Variants in IPO9 observed in about 807,000 individuals in gnomAD.
IPO9 encodes importin 9, also known as importin-9.
A neutral mutation model predicts 128.6 loss-of-function variants in IPO9; 28 were observed. The ratio of observed to expected loss-of-function variants is 0.22; its 90% CI spans 0.16 to 0.30. The LOEUF (loss-of-function observed/expected upper bound fraction) is 0.30, where lower values mean the gene tolerates loss of function less well. IPO9 is among the 10% of genes least tolerant of loss of function. The pLI is 1.00. For missense variants in IPO9, 935 were observed against 1,293.9 expected, an observed-to-expected ratio of 0.72 and a Z score of 4.26; for synonymous variants, 455 against 475.8, an observed-to-expected ratio of 0.96 and a Z score of 0.57.
chr1:201,836,383 T>A (rs1679922943), intron 1 of IPO9, among the ~76,000 whole-genome samples: 1 of 152,100 alleles, frequency 6.6e-6, no homozygotes, highest in African/African-American at 2.4e-5. Context: ...ATTAGTTTGT[T>A]TCTTAGTTTG....
At chr1:201,830,617 ACTAAT>A (rs1285012436) in intron 1 of IPO9, among the ~76,000 whole-genome samples, 4 of 152,362 alleles carry the variant, frequency 2.6e-5, no homozygotes, top group East Asian at 1.9e-4. Flanking sequence ...CCATGTATAA[ACTAAT>A]CTAAAGGAAT....
In IPO9 at chr1:201,852,189, T is replaced by G. The variant is rs1257684397; in HGVS notation, c.600T>G (p.Ala200=). 1 of 1,602,618 alleles carries G rather than the reference T, an allele frequency of 6.2e-7. No homozygotes were observed. Among genetic ancestry groups the G allele is most frequent in the Admixed American group, 1.7e-5 (1 of 59,890 alleles). Residue 200 remains alanine, a synonymous_variant, in exon 5 of 24, where the codon GCT becomes GCG. Transcript: ENST00000361565. The part of the protein sequence containing the change: ...LPEMYKIFTM[A]EVYGIRTRSR... Reference sequence around the variant, plus strand: ...AGATGTATAAGATCTTCACCATGGCTGAGGTATGAAATCTCAGCTCCAAGA... The same window carrying G: ...AGATGTATAAGATCTTCACCATGGCGGAGGTATGAAATCTCAGCTCCAAGA...
chr1:201,868,645 C>A lies in IPO9; in HGVS notation c.1856-3C>A, dbSNP rs1168207878. 1 of 1,612,674 alleles carries A rather than the reference C, an allele frequency of 6.2e-7. No individual in the cohort carries two copies. Among genetic ancestry groups the A allele is most frequent in the Non-Finnish European group, 8.5e-7 (1 of 1,179,276 alleles). Reference sequence around the variant, plus strand: ...GGATTCCGTGTTGCCTTATCCACTTCAGATCCCGTCGTCGCCTCACTGGCT... The same window carrying A: ...GGATTCCGTGTTGCCTTATCCACTTAAGATCCCGTCGTCGCCTCACTGGCT... On this transcript the variant is annotated splice_region_variant and splice_polypyrimidine_tract_variant and intron_variant, in intron 15 of 23. Transcript: ENST00000361565.
intron 1 of IPO9, among the ~76,000 whole-genome samples, chr1:201,843,663 A>G (rs1413912554): frequency 1.3e-5 from 2 of 152,192 alleles, no homozygotes; most frequent in Non-Finnish European, 2.9e-5. Flanking sequence ...CCCAGTCTCT[A>G]CGAAAAATAC....
At chr1:201,862,671 TG>T (rs755698531) in intron 13 of IPO9, among the ~76,000 whole-genome samples, 48 of 151,834 alleles carry the variant, frequency 3.2e-4, no homozygotes, top group Non-Finnish European at 5.9e-4. Flanking sequence ...CTGGGCGTGG[TG>T]GTGCATGCCT....
chr1:201,829,675 T>TG (rs1679793655), intron 1 of IPO9: 1 of 266,176 alleles, frequency 3.8e-6, no homozygotes, highest in African/African-American at 2.2e-5. Context: ...TTGGTGCTGT[T>TG]GGAGGAAGTA....
intron 15 of IPO9, among the ~76,000 whole-genome samples, chr1:201,868,041 A>C (rs148644900): frequency 2.0e-5 from 3 of 152,320 alleles, no homozygotes; most frequent in African/African-American, 7.2e-5. Flanking sequence ...TTTAAGGTAT[A>C]CTTTAATGCA....
At chr1:201,869,198 T>C (rs1845756) in intron 16 of IPO9, among the ~76,000 whole-genome samples, 151,291 of 152,262 alleles carry the variant, frequency 0.99, 75,169 homozygotes, top group East Asian at 1. Flanking sequence ...TTGCAGTGAG[T>C]GGAGATCGTG....
chr1:201,832,112 G>C (rs1679847377), intron 1 of IPO9, among the ~76,000 whole-genome samples: 1 of 151,606 alleles, frequency 6.6e-6, no homozygotes, highest in Admixed American at 6.6e-5. Context: ...ATGTTGGCCA[G>C]GTTGTCTCGA....
chr1:201,866,880 A>T lies in IPO9; in HGVS notation c.1776A>T (p.Thr592=), dbSNP rs370074232. Residue 592 remains threonine, a synonymous_variant, in exon 15 of 24, where the codon ACA becomes ACT. Transcript: ENST00000361565. ...TGGAGACCCTGTGCATCGTTTGTAC[A>T]GTAGACCCCGAATTCACAGCAAGCA... ...LVMETLCIVC[T]VDPEFTASME... The T allele has an allele frequency of 6.2e-7, 1 of 1,614,080 alleles. No homozygotes were observed. Among genetic ancestry groups the T allele is most frequent in the Admixed American group, 1.7e-5 (1 of 59,986 alleles).
At chr1:201,861,588 G>C (rs572168490) in intron 13 of IPO9, among the ~76,000 whole-genome samples, 1 of 152,130 alleles carries the variant, frequency 6.6e-6, no homozygotes, top group South Asian at 2.1e-4. Context: ...TTCAACTTAC[G>C]ATGTGTTTAT....
At chr1:201,835,547 G>A (rs1571537159) in intron 1 of IPO9, among the ~76,000 whole-genome samples, 1 of 152,336 alleles carries the variant, frequency 6.6e-6, no homozygotes, top group South Asian at 2.1e-4. Flanking sequence ...AGAATGAACT[G>A]TCCTTATTTC....
At chr1:201,873,827 A>G (rs1185811559) in intron 20 of IPO9, among the ~76,000 whole-genome samples, 1 of 152,180 alleles carries the variant, frequency 6.6e-6, no homozygotes, top group Admixed American at 6.5e-5. Context: ...GGGCACAGAT[A>G]GTCAGCATGT....
rs1050181648 is a variant in IPO9 at position 201,882,142 on chromosome 1, T to C, written c.*6088T>C. The C allele has an allele frequency of 1.3e-5, 2 of 152,106 alleles. No homozygotes were observed. The highest frequency in any genetic ancestry group is 4.8e-5 in the African/African-American group (2 of 41,422). The allele number at this position is 152,106 out of a possible 1,614,324, so 9.4% of individuals were successfully genotyped here. ...AAAAGTAATCGCAATAAAATTCCAA[T>C]TTTTGTAGGCCGGGCATAGTGGCTC... On this transcript the variant is annotated 3_prime_UTR_variant, in exon 24 of 24. Transcript: ENST00000361565.
intron 14 of IPO9, among the ~76,000 whole-genome samples, chr1:201,865,165 C>CTT (rs2102885332): frequency 6.7e-6 from 1 of 149,858 alleles, no homozygotes; most frequent in East Asian, 2.0e-4. Context: ...TGCAGACTGG[C>CTT]TTATGTCCGT....
At chr1:201,873,546 G>A (rs926048081) in intron 20 of IPO9, among the ~76,000 whole-genome samples, 8 of 150,688 alleles carry the variant, frequency 5.3e-5, no homozygotes, top group East Asian at 3.9e-4. Context: ...CCGGGAGTTC[G>A]AGACCAGCCT....
At chr1:201,865,451 G>T (rs189997625) in intron 14 of IPO9, among the ~76,000 whole-genome samples, 1 of 151,968 alleles carries the variant, frequency 6.6e-6, no homozygotes, top group African/African-American at 2.4e-5. Flanking sequence ...CGGGTGATCC[G>T]CTCGCCCCCA....
Position 201,869,642 on chromosome 1 carries a change from C to G in IPO9, c.2057C>G (p.Ser686Cys), listed in dbSNP as rs1183047911. The change falls in exon 17 of 24, where the codon TCC (serine) becomes TGC (cysteine). Residue 686 changes from serine to cysteine, a missense_variant. Physicochemically the swap from Ser to Cys is moderately radical, Grantham distance 112. Coordinates refer to ENST00000361565, the MANE Select transcript of IPO9 (RefSeq NM_018085.5). Reference sequence around the variant, plus strand: ...GTACGAAATACAAAGCCTCCCCTTTCCCAGCTTCTCATCTGCCAAGCTTTC... The same window carrying G: ...GTACGAAATACAAAGCCTCCCCTTTGCCAGCTTCTCATCTGCCAAGCTTTC... ...TVVRNTKPPL[S>C]QLLICQAFPA... is the part of the protein sequence containing the mutation. The G allele has an allele frequency of 2.2e-5, 35 of 1,614,058 alleles. No homozygotes were observed. Among genetic ancestry groups the G allele is most frequent in the Non-Finnish European group, 3.0e-5 (35 of 1,180,020 alleles).
chr1:201,829,422 G>T, intron 1 of IPO9, 50 bp downstream of exon 1: 1 of 1,489,028 alleles, frequency 6.7e-7, no homozygotes, highest in South Asian at 1.3e-5. Flanking sequence ...ACAATCCGCT[G>T]ACCGCAGCTC....
Sources: allele counts gnomAD v4.1 joint callset (sites outside exome capture counted in the v4.1 genomes callset), GRCh38; gene constraint gnomAD v4.1.1; transcripts MANE v1.5; gene names NCBI Gene and HGNC (gene_info 2026-07-23, HGNC 2026-07-21).